Variants in ROBO2 observed in about 807,000 individuals in gnomAD.
ROBO2 encodes the protein roundabout guidance receptor 2, also known as roundabout homolog 2.
ROBO2 carries 53 observed loss-of-function variants against 160.8 expected under a neutral mutation model. That is an observed-to-expected ratio of 0.33 (90% CI 0.26 to 0.41). ROBO2 has a LOEUF of 0.41. Among genes scored for constraint, ROBO2 ranks in the 10% least tolerant of loss-of-function variants. The pLI is 1.00. For missense variants in ROBO2, 1,577 were observed against 1,722.4 expected, an observed-to-expected ratio of 0.92 and a Z score of 1.49; for synonymous variants, 664 against 611.7, an observed-to-expected ratio of 1.09 and a Z score of -1.26.
chr3:76,702,971 A>C (rs1281243692), intron 2 of ROBO2, among the ~76,000 whole-genome samples: 1 of 152,116 alleles, frequency 6.6e-6, no homozygotes, highest in Non-Finnish European at 1.5e-5. Flanking sequence ...AGTTAACAGA[A>C]CACAGAGATG....
intron 2 of ROBO2, among the ~76,000 whole-genome samples, chr3:76,414,057 A>G (rs559031278): frequency 1.4e-5 from 2 of 142,964 alleles, no homozygotes; most frequent in African/African-American, 5.4e-5. Context: ...AAGCAAAAGC[A>G]GAAACCCCTG....
At chr3:76,347,083 C>T (rs1033990481) in intron 2 of ROBO2, among the ~76,000 whole-genome samples, 2 of 152,054 alleles carry the variant, frequency 1.3e-5, no homozygotes, top group Admixed American at 1.3e-4. Context: ...TGTCTCTTTA[C>T]GTTTAGCAGT....
chr3:76,980,148 T>C (rs1428846625), intron 2 of ROBO2, among the ~76,000 whole-genome samples: 1 of 152,184 alleles, frequency 6.6e-6, no homozygotes, highest in Non-Finnish European at 1.5e-5. Context: ...GACTATCTTA[T>C]TCCATTGGCC....
At chr3:76,689,802 C>T (rs1288591626) in intron 2 of ROBO2, among the ~76,000 whole-genome samples, 1 of 152,068 alleles carries the variant, frequency 6.6e-6, no homozygotes, top group Non-Finnish European at 1.5e-5. Context: ...TCCTCTTTGC[C>T]CATCCAGTTC....
chr3:77,187,932 T>C (rs184978747), intron 2 of ROBO2, among the ~76,000 whole-genome samples: 45 of 152,068 alleles, frequency 3.0e-4, no homozygotes, highest in Admixed American at 2.5e-3. Context: ...ATATTAAATG[T>C]AATCAAGAAT....
intron 2 of ROBO2, among the ~76,000 whole-genome samples, chr3:76,688,672 A>G (rs1174661907): frequency 6.6e-6 from 1 of 151,602 alleles, no homozygotes; most frequent in Non-Finnish European, 1.5e-5. Flanking sequence ...CTTTGAAGTT[A>G]TTTGTTAAAT....
At chr3:76,691,699 A>G (rs904836408) in intron 2 of ROBO2, among the ~76,000 whole-genome samples, 15 of 152,170 alleles carry the variant, frequency 9.9e-5, no homozygotes, top group Admixed American at 6.6e-4. Context: ...GGAGATCATG[A>G]GATCAATAAA....
chr3:77,525,916 C>G, intron 6 of ROBO2, among the ~76,000 whole-genome samples: 1 of 151,026 alleles, frequency 6.6e-6, no homozygotes, highest in Non-Finnish European at 1.5e-5. Context: ...AAACAAAGTT[C>G]TTTTTCTACT....
At chr3:77,026,621 T>C (rs997626661) in intron 2 of ROBO2, among the ~76,000 whole-genome samples, 1 of 152,208 alleles carries the variant, frequency 6.6e-6, no homozygotes, top group Non-Finnish European at 1.5e-5. Context: ...CTTCGAAATA[T>C]CTTCTAGCTG....
At chr3:76,405,528 T>A (rs953700850) in intron 2 of ROBO2, among the ~76,000 whole-genome samples, 1 of 151,758 alleles carries the variant, frequency 6.6e-6, no homozygotes, top group African/African-American at 2.4e-5. Flanking sequence ...TGGTCATCAG[T>A]CCATCATTCT....
intron 2 of ROBO2, among the ~76,000 whole-genome samples, chr3:77,384,241 T>C (rs1036807471): frequency 1.3e-5 from 2 of 152,154 alleles, no homozygotes; most frequent in Non-Finnish European, 2.9e-5. Context: ...AGATGTTTAT[T>C]ACTTAAAACT....
intron 2 of ROBO2, among the ~76,000 whole-genome samples, chr3:77,346,905 A>G (rs2067713359): frequency 6.6e-6 from 1 of 152,060 alleles, no homozygotes; most frequent in Non-Finnish European, 1.5e-5. Context: ...TTAAGGGCCC[A>G]TGTTATTAGA....
intron 23 of ROBO2, chr3:77,630,968 T>C (rs895080921): frequency 6.7e-6 from 1 of 149,978 alleles, no homozygotes; most frequent in African/African-American, 2.5e-5. Flanking sequence ...TTTTTTCTTA[T>C]CTAGTATAGC....
chr3:76,996,568 T>C (rs187391224), intron 2 of ROBO2, among the ~76,000 whole-genome samples: 1 of 152,240 alleles, frequency 6.6e-6, no homozygotes, highest in Admixed American at 6.5e-5. Flanking sequence ...ATGGTATTGA[T>C]TCTTCCTACC....
intron 2 of ROBO2, among the ~76,000 whole-genome samples, chr3:76,436,174 A>ACACACACACACACACACACACACACACC (rs2076669518): frequency 6.6e-6 from 1 of 151,506 alleles, no homozygotes; most frequent in South Asian, 2.1e-4. Context: ...ACACACACAC[A>ACACACACACACACACACACACACACACC]CACACACCAT....
chr3:75,991,035 G>C (rs776340495), intron 2 of ROBO2, among the ~76,000 whole-genome samples: 3 of 152,112 alleles, frequency 2.0e-5, no homozygotes, highest in Non-Finnish European at 4.4e-5. Flanking sequence ...CTGGTTCTTT[G>C]ACCTTCAAAC....
At chr3:75,954,434 T>C (rs1001765883) in intron 2 of ROBO2, among the ~76,000 whole-genome samples, 1 of 151,806 alleles carries the variant, frequency 6.6e-6, no homozygotes, top group Non-Finnish European at 1.5e-5. Context: ...CTCCTCTTTC[T>C]CCAAAAACCA....
At chr3:77,406,604 G>A (rs912933929) in intron 2 of ROBO2, among the ~76,000 whole-genome samples, 2 of 152,074 alleles carry the variant, frequency 1.3e-5, no homozygotes, top group Non-Finnish European at 2.9e-5. Context: ...TGGATGCTAA[G>A]CCTAATTCTG....
intron 2 of ROBO2, among the ~76,000 whole-genome samples, chr3:76,104,209 T>A (rs2069825085): frequency 6.6e-6 from 1 of 152,230 alleles, no homozygotes; most frequent in African/African-American, 2.4e-5. Context: ...AAATCTTTCA[T>A]ACAGTGATTT....
Sources: allele counts gnomAD v4.1 joint callset (sites outside exome capture counted in the v4.1 genomes callset), GRCh38; gene constraint gnomAD v4.1.1; transcripts MANE v1.5; gene names NCBI Gene and HGNC (gene_info 2026-07-23, HGNC 2026-07-21).